KIAA1217: variants seen among roughly 807,000 people sequenced by gnomAD.
The protein encoded by KIAA1217 is KIAA1217, also known as sickle tail protein homolog.
KIAA1217 carries 88 observed loss-of-function variants against 163.9 expected under a neutral mutation model. The ratio of observed to expected loss-of-function variants is 0.54; its 90% CI spans 0.45 to 0.64. KIAA1217 has a LOEUF of 0.64. KIAA1217 is among the 30% of genes least tolerant of loss of function. KIAA1217 has a pLI of 0.00. For synonymous variants in KIAA1217, 903 were observed against 923.1 expected (o/e 0.98, Z 0.39); for missense variants, 2,372 against 2,475.0 (o/e 0.96, Z 0.88).
intron 1 of KIAA1217, among the ~76,000 whole-genome samples, chr10:24,002,164 G>A (rs1325723254): frequency 6.6e-6 from 1 of 152,180 alleles, no homozygotes; most frequent in African/African-American, 2.4e-5. Context: ...GAAGAGCCAC[G>A]GAAGGAGGGG....
chr10:24,448,202 T>G (rs2132217293), intron 5 of KIAA1217, among the ~76,000 whole-genome samples: 1 of 152,156 alleles, frequency 6.6e-6, no homozygotes, highest in Middle Eastern at 3.4e-3. Flanking sequence ...CAGATTAAAA[T>G]AAGTGTTCAT....
chr10:24,427,079 C>G (rs1591831284), intron 3 of KIAA1217, among the ~76,000 whole-genome samples: 1 of 152,238 alleles, frequency 6.6e-6, no homozygotes, highest in East Asian at 1.9e-4. Flanking sequence ...AATCCACATT[C>G]CTTTGCAAAG....
intron 3 of KIAA1217, among the ~76,000 whole-genome samples, chr10:24,390,184 G>T (rs2054659580): frequency 6.6e-6 from 1 of 152,094 alleles, no homozygotes; most frequent in Admixed American, 6.6e-5. Flanking sequence ...TATTATATTT[G>T]TAGATATTGT....
intron 2 of KIAA1217, among the ~76,000 whole-genome samples, chr10:24,180,938 G>A (rs1196294688): frequency 1.3e-5 from 2 of 152,208 alleles, no homozygotes; most frequent in Non-Finnish European, 2.9e-5. Flanking sequence ...TGAAAAGGTA[G>A]GGTCCTGATA....
At chr10:24,009,607 C>G (rs1290876272) in intron 2 of KIAA1217, among the ~76,000 whole-genome samples, 1 of 152,084 alleles carries the variant, frequency 6.6e-6, no homozygotes, top group Non-Finnish European at 1.5e-5. Context: ...ATCTCACAAC[C>G]ATGCATGGGG....
intron 2 of KIAA1217, among the ~76,000 whole-genome samples, chr10:24,367,667 G>A (rs1173448868): frequency 6.6e-6 from 1 of 152,190 alleles, no homozygotes; most frequent in Non-Finnish European, 1.5e-5. Flanking sequence ...TGTGTCCAAT[G>A]TTGGGTCCAG....
intron 2 of KIAA1217, among the ~76,000 whole-genome samples, chr10:24,257,342 G>A (rs1186050273): frequency 1.3e-5 from 2 of 152,214 alleles, no homozygotes; most frequent in Admixed American, 6.5e-5. Context: ...ACGGCGTGGG[G>A]GGTGGAGGGA....
chr10:24,059,079 T>G (rs1364538559), intron 2 of KIAA1217, among the ~76,000 whole-genome samples: 3 of 152,200 alleles, frequency 2.0e-5, no homozygotes, highest in African/African-American at 7.2e-5. Flanking sequence ...TGCTGAGAGT[T>G]TTTATCATGA....
At chr10:24,179,906 A>G (rs1017645163) in intron 2 of KIAA1217, among the ~76,000 whole-genome samples, 4 of 152,190 alleles carry the variant, frequency 2.6e-5, no homozygotes, top group Non-Finnish European at 4.4e-5. Flanking sequence ...TCTTTATAGT[A>G]GTGCAAGAAC....
rs1837801947 is a variant in KIAA1217 at position 23,824,655 on chromosome 10, AAAAAT to A, written c.-321+129423_-321+129427del. On this transcript the variant is annotated intron_variant, in intron 1 of 18. Transcript: ENST00000376462. ...AGAAAAAAAAAAAAAAAAAAATAAAAAAAATATATATATATATATATATATATGTA... is the reference window on the plus strand; with the variant it reads ...AGAAAAAAAAAAAAAAAAAAATAAAAATATATATATATATATATATATGTA... Among the ~76,000 whole-genome samples, 96 of 107,750 alleles carry A rather than the reference AAAAAT, an allele frequency of 8.9e-4. 1 individual carries two copies. The highest frequency in any genetic ancestry group is 3.3e-3 in the African/African-American group (70 of 21,474). 70.7% of individuals were successfully genotyped at this position (107,750 alleles called of 152,430 possible).
intron 1 of KIAA1217, among the ~76,000 whole-genome samples, chr10:23,900,084 G>A (rs990968552): frequency 6.6e-6 from 1 of 151,210 alleles, no homozygotes; most frequent in African/African-American, 2.4e-5. Flanking sequence ...TTGGCTTACT[G>A]CAACCTCCCC....
At chr10:24,377,678 C>T (rs2052696727) in intron 2 of KIAA1217, among the ~76,000 whole-genome samples, 1 of 152,022 alleles carries the variant, frequency 6.6e-6, no homozygotes, top group African/African-American at 2.4e-5. Context: ...TATTGTAACC[C>T]CTCATAAATT....
chr10:24,393,236 A>G (rs998606237), intron 3 of KIAA1217, among the ~76,000 whole-genome samples: 3 of 152,212 alleles, frequency 2.0e-5, no homozygotes, highest in Non-Finnish European at 4.4e-5. Context: ...GGCTCAGTCG[A>G]GGAACATGGG....
intron 5 of KIAA1217, among the ~76,000 whole-genome samples, chr10:24,444,762 A>G (rs2060785409): frequency 6.6e-6 from 1 of 152,150 alleles, no homozygotes; most frequent in African/African-American, 2.4e-5. Flanking sequence ...GGACACTTTG[A>G]GTCTTGTAAG....
At chr10:24,409,806 C>T (rs191708857) in intron 3 of KIAA1217, among the ~76,000 whole-genome samples, 1 of 152,132 alleles carries the variant, frequency 6.6e-6, no homozygotes, top group Admixed American at 6.6e-5. Context: ...TTTAAGTCCT[C>T]ATAGCTCAGC....
chr10:24,279,713 C>A (rs1019237492), intron 2 of KIAA1217, among the ~76,000 whole-genome samples: 2 of 152,106 alleles, frequency 1.3e-5, no homozygotes, highest in African/African-American at 4.8e-5. Flanking sequence ...GTAATACATT[C>A]AAAATAGAAG....
intron 2 of KIAA1217, among the ~76,000 whole-genome samples, chr10:24,169,555 C>T (rs576192952): frequency 6.6e-6 from 1 of 152,234 alleles, no homozygotes; most frequent in African/African-American, 2.4e-5. Context: ...TAATAGTTAT[C>T]CAATAAATTA....
Position 24,304,687 on chromosome 10 carries a change from T to C in KIAA1217, c.355-76182T>C, listed in dbSNP as rs1370479520. ...CCTTCAGACAGTTCTTCTTGGAGGTTTGGGGAAGGCTTCTGTAAAGAAAAC... is the reference window on the plus strand; with the variant it reads ...CCTTCAGACAGTTCTTCTTGGAGGTCTGGGGAAGGCTTCTGTAAAGAAAAC... On this transcript the variant is annotated intron_variant, in intron 2 of 20. Coordinates refer to ENST00000376454, the MANE Select transcript of KIAA1217 (RefSeq NM_019590.5). 7.9e-5 allele frequency among the ~76,000 whole-genome samples: 12 copies of C among 152,256 alleles called. No homozygotes were observed. The East Asian group carries it at 1.9e-3, about 25-fold the overall frequency.
At chr10:23,715,106 C>T (rs1264359676) in intron 1 of KIAA1217, among the ~76,000 whole-genome samples, 1 of 152,150 alleles carries the variant, frequency 6.6e-6, no homozygotes, top group Non-Finnish European at 1.5e-5. Context: ...ATATTAGAGG[C>T]ACTCCTGGGA....
Sources: gnomAD v4.1 joint callset for allele counts (sites outside exome capture counted in the v4.1 genomes callset) on GRCh38, gnomAD v4.1.1 for gene constraint, MANE v1.5 for transcripts, NCBI Gene and HGNC (gene_info 2026-07-23, HGNC 2026-07-21) for gene names.